CHST15: variants seen among roughly 807,000 people sequenced by gnomAD.
CHST15 encodes the protein carbohydrate sulfotransferase 15.
CHST15 carries 30 observed loss-of-function variants against 53.6 expected under a neutral mutation model. The observed-to-expected ratio is 0.56, with a 90% CI of 0.42 to 0.76. The LOEUF (loss-of-function observed/expected upper bound fraction) is 0.76. Among genes scored for constraint, CHST15 ranks in the 30% least tolerant of loss-of-function variants. The pLI, the probability that CHST15 is intolerant of heterozygous loss-of-function variation, is 0.00. For missense variants in CHST15, 627 were observed against 740.5 expected (o/e 0.85, Z 1.78); for synonymous variants, 296 against 289.8 (o/e 1.02, Z -0.22).
In CHST15 at chr10:124,019,992, A is replaced by G; in HGVS notation, c.1347+1264T>C. ...CTCAGCACAGACATTCCCTCTCCTA[A>G]GAACCTGCCTGAAGCCCCGTTCTCA... On this transcript the variant is annotated intron_variant, in intron 6 of 7. Transcript: ENST00000435907. The surrounding 1 kb of genome is among the most constrained non-coding windows in gnomAD (Gnocchi z 4.6). The G allele has an allele frequency of 1.0e-6, 1 of 985,532 alleles. No individual in the cohort carries two copies. Among genetic ancestry groups the G allele is most frequent in the Non-Finnish European group, 1.2e-6 (1 of 830,050 alleles). The allele number at this position is 985,532 out of a possible 1,614,324, so 61.0% of individuals were successfully genotyped here. A position where few individuals can be genotyped will look rare whatever the true frequency, so the allele number is the denominator to read the frequency against.
chr10:124,070,619 T>C (rs1260698990), intron 1 of CHST15, among the ~76,000 whole-genome samples: 1 of 152,094 alleles, frequency 6.6e-6, no homozygotes, highest in African/African-American at 2.4e-5. Context: ...TCGTGATCTG[T>C]CTGGCCGGGG....
Position 124,046,302 on chromosome 10 carries a change from T to A in CHST15, c.-90A>T. 1 of 1,245,828 alleles carries A rather than the reference T, an allele frequency of 8.0e-7. No homozygotes were observed. Among genetic ancestry groups the A allele is most frequent in the Non-Finnish European group, 1.1e-6 (1 of 902,886 alleles). 77.2% of individuals were successfully genotyped at this position (1,245,828 alleles called of 1,614,324 possible). A position where few individuals can be genotyped will look rare whatever the true frequency, so the allele number is the denominator to read the frequency against. On this transcript the variant is annotated 5_prime_UTR_variant, in exon 2 of 8. It adds an upstream start codon to the 5' untranslated region. Coordinates refer to ENST00000435907, the MANE Select transcript of CHST15 (RefSeq NM_001270764.2). The stretch of plus-strand genomic sequence containing the variant: ...TGTCCGCAAGTCGTGCTAGAAAACC[T>A]TAAGAATGCCTTGTGATCACAGAAG...
At chr10:124,049,454 T>C (rs1948115033) in intron 1 of CHST15, among the ~76,000 whole-genome samples, 1 of 152,174 alleles carries the variant, frequency 6.6e-6, no homozygotes, top group African/African-American at 2.4e-5. Flanking sequence ...GTGAGCAGCT[T>C]TCAACAAACC....
At chr10:124,055,461 T>C (rs1160142241) in intron 1 of CHST15, among the ~76,000 whole-genome samples, 1 of 152,178 alleles carries the variant, frequency 6.6e-6, no homozygotes, top group Non-Finnish European at 1.5e-5. Context: ...CAGGGTTACT[T>C]GCTTTCAGTG....
intron 1 of CHST15, among the ~76,000 whole-genome samples, chr10:124,088,899 G>C (rs1949522641): frequency 6.6e-6 from 1 of 152,146 alleles, no homozygotes. Flanking sequence ...TTAGATAACT[G>C]TTCCATTTAT....
At chr10:124,077,429 T>G (rs1949112362) in intron 1 of CHST15, among the ~76,000 whole-genome samples, 1 of 152,224 alleles carries the variant, frequency 6.6e-6, no homozygotes, top group Admixed American at 6.5e-5. Flanking sequence ...TACACATTCA[T>G]CCCCAGAGTC....
At chr10:124,065,502 T>G (rs1035926438) in intron 1 of CHST15, among the ~76,000 whole-genome samples, 6 of 152,324 alleles carry the variant, frequency 3.9e-5, no homozygotes, top group African/African-American at 1.4e-4. Context: ...CAAATTGTTG[T>G]CACCCAACCC....
intron 5 of CHST15, among the ~76,000 whole-genome samples, chr10:124,034,323 G>A (rs1947337921): frequency 1.3e-5 from 2 of 152,146 alleles, no homozygotes; most frequent in Admixed American, 1.3e-4. Flanking sequence ...ACCATGCTGT[G>A]AACTGTGAGC....
intron 1 of CHST15, among the ~76,000 whole-genome samples, chr10:124,069,045 G>A (rs1948832028): frequency 6.6e-6 from 1 of 152,224 alleles, no homozygotes; most frequent in Non-Finnish European, 1.5e-5. Context: ...GAATCAGACA[G>A]GACTAGGCAG....
chr10:124,069,376 C>G (rs866312951), intron 1 of CHST15, among the ~76,000 whole-genome samples: 4 of 150,762 alleles, frequency 2.7e-5, no homozygotes, highest in South Asian at 2.1e-4. Context: ...GACCCCCCCC[C>G]CAACTATTGG....
At chr10:124,010,870 C>A in intron 7 of CHST15, 1 of 985,476 alleles carries the variant, frequency 1.0e-6, no homozygotes, top group Non-Finnish European at 1.2e-6. Context: ...GAGGAGGCCA[C>A]TTGTGCCCAG....
At chr10:124,056,827 C>T (rs946109037) in intron 1 of CHST15, among the ~76,000 whole-genome samples, 7 of 151,936 alleles carry the variant, frequency 4.6e-5, no homozygotes, top group Admixed American at 6.6e-5. Flanking sequence ...CGGCCCAGGC[C>T]TATACGACCG....
intron 5 of CHST15, among the ~76,000 whole-genome samples, chr10:124,037,758 T>C (rs28572525): frequency 0.03 from 4,634 of 152,338 alleles, 366 homozygotes; most frequent in East Asian, 0.28. Flanking sequence ...TGCTCAGCAT[T>C]GTTCTTCCTT....
chr10:124,039,775 G>C (rs1041575319), intron 4 of CHST15, among the ~76,000 whole-genome samples: 1 of 152,230 alleles, frequency 6.6e-6, no homozygotes, highest in African/African-American at 2.4e-5. Context: ...GCGTGTATGT[G>C]TGTGTGTATA....
intron 5 of CHST15, among the ~76,000 whole-genome samples, chr10:124,029,069 C>T (rs1419010419): frequency 6.6e-6 from 1 of 152,228 alleles, no homozygotes; most frequent in Non-Finnish European, 1.5e-5. Flanking sequence ...AGCCAGGGCA[C>T]CTGGCCTTGT....
At chr10:124,030,564 G>A (rs1207330804) in intron 5 of CHST15, among the ~76,000 whole-genome samples, 3 of 152,174 alleles carry the variant, frequency 2.0e-5, no homozygotes, top group Admixed American at 1.3e-4. Context: ...TCCTCATTCC[G>A]TCTCTTCTCC....
At position 124,012,321 on chromosome 10, in the gene CHST15, C is replaced by T; in HGVS notation, c.1495+12G>A. On this transcript the variant is annotated intron_variant, in intron 7 of 7. Coordinates refer to ENST00000435907, the MANE Select transcript of CHST15 (RefSeq NM_001270764.2). ...ATGCTTTGGCCCGTCAGTCTAAGCA[C>T]CACACTCATACCTAGGTTCAGAAAC... is the stretch of plus-strand genomic sequence containing the variant. 1.9e-6 allele frequency: 3 copies of T among 1,612,278 alleles called. No homozygotes were observed. Among genetic ancestry groups the T allele is most frequent in the Non-Finnish European group, 2.5e-6 (3 of 1,178,732 alleles).
chr10:124,044,854 G>A lies in CHST15; in HGVS notation c.612C>T (p.Phe204=), dbSNP rs1442491261. 2 of 1,505,554 alleles carry A rather than the reference G, an allele frequency of 1.3e-6. No homozygotes were observed. The highest frequency in any genetic ancestry group is 1.8e-6 in the Non-Finnish European group (2 of 1,125,040). 93.3% of individuals were successfully genotyped at this position (1,505,554 alleles called of 1,614,324 possible). A position where few individuals can be genotyped will look rare whatever the true frequency, so the allele number is the denominator to read the frequency against. The change falls in exon 3 of 8, where the codon TTC becomes TTT. Residue 204 remains phenylalanine, a synonymous_variant. Transcript: ENST00000435907. ...AGGGGTCGGTGGTGTTCTGCCCCGA[G>A]AACTCCTCGTACCAACAGGGGCTCT... ...NSKSPCWYEE[F]SGQNTTDPYL...
intron 1 of CHST15, among the ~76,000 whole-genome samples, chr10:124,086,075 T>C (rs80037862): frequency 1.6e-3 from 243 of 152,286 alleles, no homozygotes; most frequent in South Asian, 2.5e-3. Flanking sequence ...CTACCTCAGC[T>C]CCCTGTGAAT....
Sources: allele counts gnomAD v4.1 joint callset (sites outside exome capture counted in the v4.1 genomes callset), GRCh38; gene constraint gnomAD v4.1.1; non-coding constraint Gnocchi (gnomAD v3.1); transcripts MANE v1.5; gene names NCBI Gene and HGNC (gene_info 2026-07-23, HGNC 2026-07-21).